KCTD20: variants seen among roughly 807,000 people sequenced by gnomAD.
KCTD20 encodes potassium channel tetramerization domain containing 20.
A neutral mutation model predicts 39.6 loss-of-function variants in KCTD20; 30 were observed. That is an observed-to-expected ratio of 0.76 (90% confidence interval 0.57 to 1.03). The LOEUF (loss-of-function observed/expected upper bound fraction) is 1.03. KCTD20 is among the 50% of genes least tolerant of loss of function. The probability of loss-of-function intolerance (pLI) is 0.00; values close to 1 mark genes in which losing one functional copy is unlikely to be tolerated. For missense variants in KCTD20, 422 were observed against 522.0 expected, an observed-to-expected ratio of 0.81 and a Z score of 1.87; for synonymous variants, 162 against 180.6, an observed-to-expected ratio of 0.90 and a Z score of 0.83.
chr6:36,444,901 G>A (rs1244927926), intron 1 of KCTD20, among the ~76,000 whole-genome samples: 1 of 152,140 alleles, frequency 6.6e-6, no homozygotes, highest in African/African-American at 2.4e-5. Context: ...CAATAATCTC[G>A]TTTTCCTTAA....
At chr6:36,482,593 C>T (rs1776285990) in intron 6 of KCTD20, among the ~76,000 whole-genome samples, 1 of 151,782 alleles carries the variant, frequency 6.6e-6, no homozygotes, top group Non-Finnish European at 1.5e-5. Flanking sequence ...TTTTTTGTGG[C>T]TCTATAGTGT....
chr6:36,447,004 A>G (rs1440493348), intron 1 of KCTD20, among the ~76,000 whole-genome samples: 2 of 152,206 alleles, frequency 1.3e-5, no homozygotes, highest in Non-Finnish European at 2.9e-5. Context: ...GCCTCAAATA[A>G]TATACCTAAT....
chr6:36,446,560 G>A (rs1250430291), intron 1 of KCTD20, among the ~76,000 whole-genome samples: 1 of 152,192 alleles, frequency 6.6e-6, no homozygotes, highest in Non-Finnish European at 1.5e-5. Flanking sequence ...GTCAAGGGAG[G>A]AGGATTTCTT....
At chr6:36,476,128 G>A (rs572686542) in intron 3 of KCTD20, among the ~76,000 whole-genome samples, 4 of 152,264 alleles carry the variant, frequency 2.6e-5, no homozygotes, top group African/African-American at 9.6e-5. Context: ...CAGAGCCTGG[G>A]CTAGGAGTAA....
chr6:36,473,196 G>A (rs1219673872), intron 2 of KCTD20, among the ~76,000 whole-genome samples: 2 of 151,772 alleles, frequency 1.3e-5, no homozygotes, highest in Non-Finnish European at 2.9e-5. Flanking sequence ...GAGTAGCTGG[G>A]ACTACAGGCA....
intron 1 of KCTD20, among the ~76,000 whole-genome samples, chr6:36,454,679 C>T (rs1191051691): frequency 3.4e-5 from 5 of 147,330 alleles, no homozygotes; most frequent in East Asian, 2.0e-4. Flanking sequence ...TGCTCTGTTC[C>T]GCAGGCTGGA....
At chr6:36,468,622 C>T (rs368380409) in intron 1 of KCTD20, among the ~76,000 whole-genome samples, 2 of 152,304 alleles carry the variant, frequency 1.3e-5, no homozygotes, top group East Asian at 1.9e-4. Flanking sequence ...CTGAGCCACA[C>T]TTGAAGGCAT....
At chr6:36,485,451 T>C (rs1486194583) in intron 7 of KCTD20, among the ~76,000 whole-genome samples, 5 of 150,626 alleles carry the variant, frequency 3.3e-5, no homozygotes. Flanking sequence ...TCCTGGAGAG[T>C]GCTAAAGTCA....
At chr6:36,465,137 A>G (rs537412454) in intron 1 of KCTD20, among the ~76,000 whole-genome samples, 2 of 152,186 alleles carry the variant, frequency 1.3e-5, no homozygotes, top group Admixed American at 1.3e-4. Context: ...CTGCACTAAA[A>G]ATACAAAAAT....
chr6:36,458,261 G>T (rs1388753884), intron 1 of KCTD20, among the ~76,000 whole-genome samples: 1 of 151,864 alleles, frequency 6.6e-6, no homozygotes, highest in East Asian at 1.9e-4. Flanking sequence ...GTCTAGGCCG[G>T]GTGCGGTGGC....
chr6:36,450,160 T>G, intron 1 of KCTD20, among the ~76,000 whole-genome samples: 2 of 84,694 alleles, frequency 2.4e-5, no homozygotes, highest in Non-Finnish European at 2.0e-5. Context: ...TGAGACTCCG[T>G]CCTAAAAAAA....
chr6:36,469,701 T>C lies in KCTD20; in HGVS notation c.-46-351T>C, dbSNP rs549013867. On this transcript the variant is annotated intron_variant, in intron 1 of 7. Transcript: ENST00000373731. The surrounding 1 kb of genome is among the most constrained non-coding windows in gnomAD (Gnocchi z 4.6). ...ACATAGGTTTTCTTTAGTTGAAAAG[T>C]TGGACTCTCTGCTGCCCTATGTCTC... 1.3e-5 allele frequency among the ~76,000 whole-genome samples: 2 copies of C among 152,192 alleles called. No homozygotes were observed. The highest frequency in any genetic ancestry group is 6.5e-5 in the Admixed American group (1 of 15,274).
rs1294710850 is a variant in KCTD20, at chr6:36,484,827, A to T, written c.967+3A>T. 1 of 187,142 alleles carries T rather than the reference A, an allele frequency of 5.3e-6. No individual in the cohort carries two copies. Among genetic ancestry groups the T allele is most frequent in the Non-Finnish European group, 7.7e-6 (1 of 129,356 alleles). 11.6% of individuals were successfully genotyped at this position (187,142 alleles called of 1,614,324 possible). A position where few individuals can be genotyped will look rare whatever the true frequency, so the allele number is the denominator to read the frequency against. On this transcript the variant is annotated splice_donor_region_variant and intron_variant, in intron 7 of 7. Coordinates refer to ENST00000373731, the MANE Select transcript of KCTD20 (RefSeq NM_173562.5). ...AAACATTCGCATTGGAATTGAAGGT[A>T]AAAAAAAAAAAAAAATCCCAGTCAA...
chr6:36,448,015 G>GTGTATGTATATATATATATA lies in KCTD20; in HGVS notation c.-47+4905_-47+4906insGTATGTATATATATATATAT, dbSNP rs559687288. Among the ~76,000 whole-genome samples, 417 of 128,880 alleles carry GTGTATGTATATATATATATA rather than the reference G, an allele frequency of 3.2e-3. 3 individuals are homozygous for GTGTATGTATATATATATATA. The highest frequency in any genetic ancestry group is 0.013 in the African/African-American group (372 of 29,020). 84.6% of individuals were successfully genotyped at this position (128,880 alleles called of 152,430 possible). ...CCAAAATATATGTGTATGTGTGTGT[G>GTGTATGTATATATATATATA]TATATATATATATATATATATATAT... is the stretch of plus-strand genomic sequence containing the variant. On this transcript the variant is annotated intron_variant, in intron 1 of 7. Transcript: ENST00000373731.
intron 1 of KCTD20, among the ~76,000 whole-genome samples, chr6:36,448,005 A>ATGTGTGTG (rs771457738): frequency 2.4e-4 from 31 of 130,272 alleles, no homozygotes; most frequent in African/African-American, 9.3e-4. Flanking sequence ...ATATATGTGT[A>ATGTGTGTG]TGTGTGTGTG....
rs1480957108 is a variant in KCTD20 at position 36,460,739 on chromosome 6, T to C, written c.-46-9313T>C. On this transcript the variant is annotated intron_variant, in intron 1 of 7. Transcript: ENST00000373731. ...TGTGCCCATTATCAGCACAGGAAGA[T>C]TATATGTCCTAGCCCCCGGTCTTCA... Among the ~76,000 whole-genome samples, 5 of 152,202 alleles carry C rather than the reference T, an allele frequency of 3.3e-5. No homozygotes were observed. In the East Asian group the frequency reaches 9.7e-4, roughly 29 times the overall value.
chr6:36,461,405 G>A (rs1775596440), intron 1 of KCTD20, among the ~76,000 whole-genome samples: 1 of 152,136 alleles, frequency 6.6e-6, no homozygotes, highest in African/African-American at 2.4e-5. Flanking sequence ...GATGTTTGAT[G>A]GGAATGCCAA....
chr6:36,480,284 T>C (rs771979765), intron 5 of KCTD20, among the ~76,000 whole-genome samples: 6 of 152,150 alleles, frequency 3.9e-5, no homozygotes, highest in African/African-American at 7.2e-5. Flanking sequence ...AGCTGACTGC[T>C]TCCCTCTTGG....
chr6:36,458,290 C>T (rs1254304488), intron 1 of KCTD20, among the ~76,000 whole-genome samples: 1 of 151,874 alleles, frequency 6.6e-6, no homozygotes, highest in Non-Finnish European at 1.5e-5. Flanking sequence ...GTAATCCCAG[C>T]ATTTTTGGGA....
Sources: gnomAD v4.1 joint callset for allele counts (sites outside exome capture counted in the v4.1 genomes callset) on GRCh38, gnomAD v4.1.1 for gene constraint, Gnocchi (gnomAD v3.1) non-coding constraint, MANE v1.5 for transcripts, NCBI Gene and HGNC (gene_info 2026-07-23, HGNC 2026-07-21) for gene names.